Variants in SMOC1 observed in about 807,000 individuals in gnomAD.
SMOC1 encodes the protein SPARC related modular calcium binding 1, also known as SPARC-related modular calcium-binding protein 1.
In SMOC1, 22 loss-of-function variants were observed where a neutral mutation model predicts 56.3. That is an observed-to-expected ratio of 0.39 (90% CI 0.28 to 0.56). The LOEUF is 0.56. Ranked by LOEUF, SMOC1 falls within the 20% of genes least tolerant of loss-of-function variation. SMOC1 has a pLI of 0.61. For synonymous variants in SMOC1, 193 were observed against 215.0 expected (o/e 0.90, Z 0.89); for missense variants, 509 against 565.4 (o/e 0.90, Z 1.01).
chr14:69,975,317 T>C (rs1883908688), intron 3 of SMOC1, among the ~76,000 whole-genome samples: 1 of 152,178 alleles, frequency 6.6e-6, no homozygotes, highest in African/African-American at 2.4e-5. Context: ...CACTCCAGCC[T>C]GGGTGACAGA....
chr14:69,889,729 A>T (rs548653405), intron 1 of SMOC1, among the ~76,000 whole-genome samples: 2 of 152,344 alleles, frequency 1.3e-5, no homozygotes, highest in South Asian at 2.1e-4. Flanking sequence ...GGCTAAAAAA[A>T]TCAGCAGGAC....
At chr14:69,888,471 C>G (rs1483437747) in intron 1 of SMOC1, among the ~76,000 whole-genome samples, 4 of 152,192 alleles carry the variant, frequency 2.6e-5, no homozygotes, top group Non-Finnish European at 5.9e-5. Context: ...CTCTCTAAGA[C>G]AGGAAAGGTA....
In SMOC1 at chr14:69,953,323, C is replaced by G. The variant is rs925147806; in HGVS notation, c.266-97C>G. 1.4e-5 allele frequency: 15 copies of G among 1,108,414 alleles called. No homozygotes were observed. In the African/African-American group the frequency reaches 2.1e-4, roughly 16 times the overall value. The allele number at this position is 1,108,414 out of a possible 1,614,324, so 68.7% of individuals were successfully genotyped here. Reference sequence around the variant, plus strand: ...GACAAGCCAGTTAGTTGTGTGTGGGCTCCCGCACAGGTGGAGTGGTTTTCT... The same window carrying G: ...GACAAGCCAGTTAGTTGTGTGTGGGGTCCCGCACAGGTGGAGTGGTTTTCT... On this transcript the variant is annotated intron_variant, in intron 2 of 11. Coordinates refer to ENST00000361956, the MANE Select transcript of SMOC1 (RefSeq NM_001034852.3).
chr14:69,889,441 C>T (rs1883901490), intron 1 of SMOC1, among the ~76,000 whole-genome samples: 1 of 152,212 alleles, frequency 6.6e-6, no homozygotes, highest in South Asian at 2.1e-4. Context: ...GTATCCCAGC[C>T]AACCAGGAGC....
chr14:69,988,080 C>T (rs1488242301), intron 5 of SMOC1, among the ~76,000 whole-genome samples: 4 of 152,188 alleles, frequency 2.6e-5, no homozygotes, highest in Non-Finnish European at 5.9e-5. Flanking sequence ...CTGGTTTCTC[C>T]CTCCGCCCTG....
intron 3 of SMOC1, among the ~76,000 whole-genome samples, chr14:69,966,272 C>A (rs888516130): frequency 1.3e-5 from 2 of 152,162 alleles, no homozygotes; most frequent in African/African-American, 4.8e-5. Context: ...ATTCTAGGCA[C>A]CAGACAGAGG....
At chr14:69,908,940 G>T (rs1284827660) in intron 1 of SMOC1, among the ~76,000 whole-genome samples, 18 of 152,052 alleles carry the variant, frequency 1.2e-4, no homozygotes, top group Admixed American at 1.2e-3. Flanking sequence ...TCTCCCAATT[G>T]TTTCTTTGAA....
At chr14:69,921,158 C>T (rs745750144) in intron 1 of SMOC1, among the ~76,000 whole-genome samples, 10 of 152,190 alleles carry the variant, frequency 6.6e-5, no homozygotes, top group Non-Finnish European at 1.5e-4. Context: ...TCCTGAGCAT[C>T]GCCTCGGCTG....
intron 1 of SMOC1, among the ~76,000 whole-genome samples, chr14:69,926,216 G>C (rs1416852123): frequency 2.0e-5 from 3 of 152,170 alleles, no homozygotes; most frequent in Non-Finnish European, 2.9e-5. Context: ...AGATTCTGAG[G>C]GCAGTGATGA....
At chr14:69,934,169 G>A (rs746561568) in intron 1 of SMOC1, among the ~76,000 whole-genome samples, 5 of 152,080 alleles carry the variant, frequency 3.3e-5, no homozygotes, top group Admixed American at 1.3e-4. Context: ...TGTTTTTACC[G>A]CCTGCCTTGC....
rs757496235 is a variant in SMOC1 at position 69,992,442 on chromosome 14, G to A, written c.552G>A (p.Thr184=). 16 of 1,613,946 alleles carry A rather than the reference G, an allele frequency of 9.9e-6. No individual in the cohort carries two copies. The East Asian group carries it at 1.1e-4, about 11-fold the overall frequency. The part of the protein sequence containing the change: ...RKDDGSKPTP[T]METQPVFDGD... ...ATGACGGGTCTAAGCCGACACCCAC[G>A]ATGGAGACCCAGCCGGTGTTCGATG... Residue 184 remains threonine, a synonymous_variant, in exon 6 of 12, where the codon ACG becomes ACA. Transcript: ENST00000361956.
chr14:69,882,525 GA>G (rs1362149840), intron 1 of SMOC1, among the ~76,000 whole-genome samples: 1 of 152,248 alleles, frequency 6.6e-6, no homozygotes, highest in African/African-American at 2.4e-5. Flanking sequence ...GGAAGCACCT[GA>G]TTTTGGGGTC....
chr14:69,924,757 A>G (rs1350097455), intron 1 of SMOC1, among the ~76,000 whole-genome samples: 7 of 6,370 alleles, frequency 1.1e-3, no homozygotes, highest in South Asian at 0.023. Context: ...AGGGGAGGTA[A>G]GGGAGGTAGG....
intron 1 of SMOC1, among the ~76,000 whole-genome samples, chr14:69,894,364 C>A (rs989989673): frequency 2.6e-5 from 4 of 152,232 alleles, no homozygotes; most frequent in African/African-American, 4.8e-5. Context: ...GGAGAGTCTT[C>A]ATTCCTAGAT....
At chr14:69,909,057 T>G (rs149567873) in intron 1 of SMOC1, among the ~76,000 whole-genome samples, 38 of 152,244 alleles carry the variant, frequency 2.5e-4, no homozygotes, top group African/African-American at 9.1e-4. Flanking sequence ...ATCTCTTTGC[T>G]CCACTAGACT....
intron 5 of SMOC1, among the ~76,000 whole-genome samples, chr14:69,988,362 C>A (rs1884443334): frequency 6.6e-6 from 1 of 151,280 alleles, no homozygotes; most frequent in African/African-American, 2.4e-5. Flanking sequence ...GAAATACTCT[C>A]TGAGGTCCAA....
At chr14:69,944,026 C>A (rs533413972) in intron 1 of SMOC1, among the ~76,000 whole-genome samples, 1 of 152,230 alleles carries the variant, frequency 6.6e-6, no homozygotes, top group East Asian at 1.9e-4. Context: ...ACTGACTTAA[C>A]CTTGCCCAGC....
intron 10 of SMOC1, among the ~76,000 whole-genome samples, chr14:70,018,364 TC>T (rs149827689): frequency 0.18 from 27,859 of 152,114 alleles, 2,771 homozygotes; most frequent in African/African-American, 0.23. Context: ...AGGCATCTAC[TC>T]CCTTTTCTGG....
At chr14:69,924,566 C>A (rs552474450) in intron 1 of SMOC1, among the ~76,000 whole-genome samples, 1 of 151,692 alleles carries the variant, frequency 6.6e-6, no homozygotes, top group East Asian at 1.9e-4. Context: ...GGGTGGAATC[C>A]TACATGATCT....
Sources: gnomAD v4.1 joint callset for allele counts (sites outside exome capture counted in the v4.1 genomes callset) on GRCh38, gnomAD v4.1.1 for gene constraint, MANE v1.5 for transcripts, NCBI Gene and HGNC (gene_info 2026-07-23, HGNC 2026-07-21) for gene names.